The following THADA variants were observed in gnomAD, a reference collection of about 807,000 sequenced individuals.
The protein encoded by THADA is tRNA (32-2'-O)-methyltransferase regulator THADA.
In THADA, 213 loss-of-function variants were observed where a neutral mutation model predicts 219.8. The ratio of observed to expected loss-of-function variants is 0.97; its 90% CI spans 0.87 to 1.09. The LOEUF (loss-of-function observed/expected upper bound fraction) is 1.09, where lower values mean the gene tolerates loss of function less well. Among genes scored for constraint, THADA ranks in the 50% least tolerant of loss-of-function variants. The pLI, the probability that THADA is intolerant of heterozygous loss-of-function variation, is 0.00. For missense variants in THADA, 2,956 were observed against 2,311.3 expected (o/e 1.28, Z -5.72); for synonymous variants, 1,018 against 828.9 (o/e 1.23, Z -3.92).
intron 26 of THADA, among the ~76,000 whole-genome samples, chr2:43,454,800 A>C (rs2104907173): frequency 6.6e-6 from 1 of 152,320 alleles, no homozygotes; most frequent in South Asian, 2.1e-4. Flanking sequence ...TTTTAGCTCC[A>C]AGTGTGATTA....
chr2:43,481,291 T>TCA (rs552420230), intron 26 of THADA, among the ~76,000 whole-genome samples: 1 of 152,306 alleles, frequency 6.6e-6, no homozygotes, highest in South Asian at 2.1e-4. Context: ...CCCAACATAG[T>TCA]CACTAGAAAC....
chr2:43,583,917 G>C (rs963501870), intron 7 of THADA, among the ~76,000 whole-genome samples: 1 of 151,774 alleles, frequency 6.6e-6, no homozygotes, highest in Admixed American at 6.6e-5. Flanking sequence ...GCGGACGTCT[G>C]TGGGCCCAGC....
At chr2:43,458,687 T>C (rs1683292144) in intron 26 of THADA, among the ~76,000 whole-genome samples, 1 of 152,068 alleles carries the variant, frequency 6.6e-6, no homozygotes, top group African/African-American at 2.4e-5. Flanking sequence ...CCAGTGCCCA[T>C]TCATGAAGAA....
At chr2:43,326,167 A>G (rs1484411360) in intron 30 of THADA, among the ~76,000 whole-genome samples, 1 of 50,770 alleles carries the variant, frequency 2.0e-5, no homozygotes, top group Non-Finnish European at 4.8e-5. Context: ...ATGTCTGTCA[A>G]AAAAAAAAAA....
At chr2:43,319,848 A>AT (rs1253710072) in intron 31 of THADA, among the ~76,000 whole-genome samples, 2 of 152,212 alleles carry the variant, frequency 1.3e-5, no homozygotes, top group Non-Finnish European at 2.9e-5. Flanking sequence ...CCTCTTATAT[A>AT]AACACATCAA....
At chr2:43,400,011 A>G (rs1361457243) in intron 28 of THADA, among the ~76,000 whole-genome samples, 2 of 152,222 alleles carry the variant, frequency 1.3e-5, no homozygotes, top group Non-Finnish European at 2.9e-5. Context: ...CAACACACAC[A>G]CTTTGTGTTA....
intron 14 of THADA, among the ~76,000 whole-genome samples, chr2:43,568,352 C>G (rs1698918409): frequency 6.6e-6 from 1 of 152,174 alleles, no homozygotes; most frequent in African/African-American, 2.4e-5. Flanking sequence ...AGCACTTAGT[C>G]TATTGATTGT....
chr2:43,486,686 A>T (rs1686957877), intron 25 of THADA: 1 of 152,232 alleles, frequency 6.6e-6, no homozygotes, highest in Non-Finnish European at 1.5e-5. Flanking sequence ...TGACACAGGC[A>T]GCAGTGGACT....
chr2:43,485,346 C>G, intron 25 of THADA, 21 bp from the exon 26 acceptor site: 1 of 1,549,408 alleles, frequency 6.5e-7, no homozygotes, highest in Non-Finnish European at 8.9e-7. Flanking sequence ...AACGAAAACA[C>G]AATAAGGCTT....
intron 24 of THADA, among the ~76,000 whole-genome samples, chr2:43,500,499 T>C (rs1256768774): frequency 6.6e-6 from 1 of 152,240 alleles, no homozygotes; most frequent in Non-Finnish European, 1.5e-5. Flanking sequence ...CAGTGAGATA[T>C]GCAAGAATGC....
chr2:43,291,212 G>A (rs1051744684), intron 34 of THADA, among the ~76,000 whole-genome samples: 1 of 151,906 alleles, frequency 6.6e-6, no homozygotes, highest in Non-Finnish European at 1.5e-5. Flanking sequence ...CACTTTGGGA[G>A]GCCGAGGCGG....
At chr2:43,518,730 A>G (rs897113625) in intron 22 of THADA, among the ~76,000 whole-genome samples, 1 of 152,074 alleles carries the variant, frequency 6.6e-6, no homozygotes, top group Non-Finnish European at 1.5e-5. Context: ...TCTTTAGGAG[A>G]TCTCCTCTAG....
rs1296368909 is a variant in THADA at position 43,474,115 on chromosome 2, G to A, written c.3836+11119C>T. 2.0e-5 allele frequency among the ~76,000 whole-genome samples: 3 copies of A among 152,168 alleles called. No individual in the cohort carries two copies. The South Asian group carries it at 6.2e-4, about 32-fold the overall frequency. On this transcript the variant is annotated intron_variant, in intron 26 of 37. Coordinates refer to ENST00000405975, the MANE Select transcript of THADA (RefSeq NM_022065.5). ...GGGGCATGACTGTACAGGTAGGAGA[G>A]GCATATCATCAATACTGCTCTGTGT...
chr2:43,577,151 G>C lies in THADA; in HGVS notation c.908C>G (p.Ser303Cys). The change falls in exon 10 of 38, where the codon TCT becomes TGT. Residue 303 changes from serine (S) to cysteine (C), a missense_variant. Ser to Cys is a moderately radical substitution (Grantham distance 112). Transcript: ENST00000405975. Reference sequence around the variant, plus strand: ...ACAGAGGAATAAGACAGCTGACTGAGAGATGTCACCACAACAGAGGCTCCT... The same window carrying C: ...ACAGAGGAATAAGACAGCTGACTGACAGATGTCACCACAACAGAGGCTCCT... ...SCRSLCCGDI[S>C]QSAVLFLCQG... 1.2e-6 allele frequency: 2 copies of C among 1,611,068 alleles called. No individual in the cohort carries two copies. Among genetic ancestry groups the C allele is most frequent in the South Asian group, 2.2e-5 (2 of 90,040 alleles).
At chr2:43,496,313 A>G (rs1688274507) in intron 25 of THADA, among the ~76,000 whole-genome samples, 1 of 152,176 alleles carries the variant, frequency 6.6e-6, no homozygotes, top group Non-Finnish European at 1.5e-5. Context: ...ACACACGAAA[A>G]ATTACTTTCT....
chr2:43,294,837 A>G (rs1407885712), intron 31 of THADA, among the ~76,000 whole-genome samples: 1 of 146,010 alleles, frequency 6.8e-6, no homozygotes, highest in East Asian at 2.0e-4. Flanking sequence ...AAAAGGCAAA[A>G]AAGAAAGAAA....
intron 29 of THADA, among the ~76,000 whole-genome samples, chr2:43,349,297 T>A (rs1558621457): frequency 6.6e-6 from 1 of 152,150 alleles, no homozygotes; most frequent in Non-Finnish European, 1.5e-5. Context: ...AGTTACCCTC[T>A]GTCCCTCACC....
In THADA at chr2:43,578,532, G is replaced by T; in HGVS notation, c.797C>A (p.Ser266Tyr). ...ILFIKTMFHPSEKIPHLISSV... is the reference protein window; with the variant it reads ...ILFIKTMFHPYEKIPHLISSV... ...ACTTACCAAATGAGGAATCTTTTCAGACGGGTGAAACATAGTCTTAATAAA... is the reference window on the plus strand; with the variant it reads ...ACTTACCAAATGAGGAATCTTTTCATACGGGTGAAACATAGTCTTAATAAA... Residue 266 changes from serine (S) to tyrosine (Y), a missense_variant, in exon 9 of 38, where the codon TCT becomes TAT. By Grantham distance (144) the Ser-to-Tyr change is moderately radical. Coordinates refer to ENST00000405975, the MANE Select transcript of THADA (RefSeq NM_022065.5). The T allele has an allele frequency of 6.2e-7, 1 of 1,611,628 alleles. No individual in the cohort carries two copies. Among genetic ancestry groups the T allele is most frequent in the South Asian group, 1.1e-5 (1 of 90,974 alleles).
chr2:43,544,994 A>G (rs1695832448), intron 20 of THADA, among the ~76,000 whole-genome samples: 1 of 152,074 alleles, frequency 6.6e-6, no homozygotes, highest in African/African-American at 2.4e-5. Flanking sequence ...CCCATTCAGT[A>G]TGACATTCGC....
Sources: allele counts gnomAD v4.1 joint callset (sites outside exome capture counted in the v4.1 genomes callset), GRCh38; gene constraint gnomAD v4.1.1; transcripts MANE v1.5; gene names NCBI Gene and HGNC (gene_info 2026-07-23, HGNC 2026-07-21).